The following CACNA2D1 variants were observed in gnomAD, a reference collection of about 807,000 sequenced individuals.
CACNA2D1 encodes the protein voltage-dependent calcium channel subunit alpha-2/delta-1.
CACNA2D1 carries 53 observed loss-of-function variants against 171.5 expected under a neutral mutation model. The ratio of observed to expected loss-of-function variants is 0.31; its 90% CI spans 0.25 to 0.39. The LOEUF (loss-of-function observed/expected upper bound fraction) is 0.39, where lower values mean the gene tolerates loss of function less well. CACNA2D1 is among the 10% of genes least tolerant of loss of function. The pLI, the probability that CACNA2D1 is intolerant of heterozygous loss-of-function variation, is 1.00. For synonymous variants in CACNA2D1, 442 were observed against 443.1 expected, an observed-to-expected ratio of 1.00 and a Z score of 0.03; for missense variants, 903 against 1,299.8, an observed-to-expected ratio of 0.69 and a Z score of 4.69.
At chr7:82,311,920 G>T (rs1814516425) in intron 3 of CACNA2D1, among the ~76,000 whole-genome samples, 1 of 152,082 alleles carries the variant, frequency 6.6e-6, no homozygotes, top group Admixed American at 6.6e-5. Flanking sequence ...AGTAAATTAT[G>T]TCACTTTCTG....
intron 1 of CACNA2D1, among the ~76,000 whole-genome samples, chr7:82,382,967 C>T (rs1823874787): frequency 6.6e-6 from 1 of 152,184 alleles, no homozygotes; most frequent in Admixed American, 6.5e-5. Flanking sequence ...GTTTGACATT[C>T]AGCCATTCAA....
intron 10 of CACNA2D1, among the ~76,000 whole-genome samples, chr7:82,043,986 G>C (rs984219428): frequency 6.6e-6 from 1 of 152,152 alleles, no homozygotes; most frequent in South Asian, 2.1e-4. Context: ...TATTCTACTT[G>C]AAACTTCAGT....
chr7:82,332,529 A>AGAAAGAAAGAAAGAAG, intron 3 of CACNA2D1, among the ~76,000 whole-genome samples: 1 of 52,952 alleles, frequency 1.9e-5, no homozygotes, highest in South Asian at 6.8e-4. Context: ...AAAGAAAGAA[A>AGAAAGAAAGAAAGAAG]GAAAGAAAGA....
intron 11 of CACNA2D1, among the ~76,000 whole-genome samples, chr7:82,036,431 GCTC>G (rs1157030698): frequency 6.6e-6 from 1 of 152,068 alleles, no homozygotes; most frequent in Non-Finnish European, 1.5e-5. Flanking sequence ...TCTAAAATAT[GCTC>G]CTTTTTCTGA....
At position 81,956,443 on chromosome 7, in the gene CACNA2D1, A is replaced by G. The variant is rs1793362834; in HGVS notation, c.3159+2832T>C. 2.0e-5 allele frequency among the ~76,000 whole-genome samples: 3 copies of G among 152,284 alleles called. No individual in the cohort carries two copies. The South Asian group carries it at 6.2e-4, about 32-fold the overall frequency. On this transcript the variant is annotated intron_variant, in intron 38 of 38. Transcript: ENST00000356860. The stretch of plus-strand genomic sequence containing the variant: ...GGAAAATAAGGACAATTATAGAAAT[A>G]TAATTTGATTACACTTTTCTTGTGT...
chr7:82,282,088 G>A (rs118129889), intron 3 of CACNA2D1, among the ~76,000 whole-genome samples: 2,574 of 152,240 alleles, frequency 0.017, 35 homozygotes, highest in Middle Eastern at 0.065. Flanking sequence ...CTTGAGGTCA[G>A]AAGTTCAAGA....
intron 1 of CACNA2D1, among the ~76,000 whole-genome samples, chr7:82,390,784 A>G (rs941035599): frequency 2.6e-5 from 4 of 152,178 alleles, no homozygotes; most frequent in African/African-American, 9.7e-5. Context: ...TCCAATATAG[A>G]AAACATGAAT....
chr7:82,319,955 A>C (rs1471511258), intron 3 of CACNA2D1, among the ~76,000 whole-genome samples: 1 of 152,126 alleles, frequency 6.6e-6, no homozygotes, highest in Non-Finnish European at 1.5e-5. Flanking sequence ...TGCCAACAGC[A>C]GGAGCACTCA....
At chr7:82,324,342 G>C (rs1446484798) in intron 3 of CACNA2D1, among the ~76,000 whole-genome samples, 1 of 135,142 alleles carries the variant, frequency 7.4e-6, no homozygotes, top group Non-Finnish European at 1.6e-5. Context: ...TGGGCAACAA[G>C]AGCCAAACTC....
At chr7:81,959,401 A>G (rs770048949) in intron 37 of CACNA2D1, 44 bp from the exon 38 acceptor site, 1 of 1,290,644 alleles carries the variant, frequency 7.7e-7, no homozygotes, top group South Asian at 1.2e-5. Flanking sequence ...TTTTTTTCAC[A>G]TGATTAAAAA....
intron 5 of CACNA2D1, among the ~76,000 whole-genome samples, chr7:82,119,483 A>C (rs1233868079): frequency 6.6e-6 from 1 of 152,202 alleles, no homozygotes; most frequent in Non-Finnish European, 1.5e-5. Context: ...GAAAGTCATA[A>C]TGATAATTCT....
chr7:82,394,801 C>A lies in CACNA2D1; in HGVS notation c.96-45152G>T, dbSNP rs796144887. Reference sequence around the variant, plus strand: ...GAACAGAAGAAACAGAGGTTCAAGGCAACTTCAAACTTTTATTAGTGAGAA... The same window carrying A: ...GAACAGAAGAAACAGAGGTTCAAGGAAACTTCAAACTTTTATTAGTGAGAA... On this transcript the variant is annotated intron_variant, in intron 1 of 38. Coordinates refer to ENST00000356860, the MANE Select transcript of CACNA2D1 (RefSeq NM_000722.4). Among the ~76,000 whole-genome samples, 19 of 152,202 alleles carry A rather than the reference C, an allele frequency of 1.2e-4. 1 individual carries two copies. Among genetic ancestry groups the A allele is most frequent in the African/African-American group, 4.6e-4 (19 of 41,542 alleles).
chr7:82,315,085 C>T (rs1333925089), intron 3 of CACNA2D1, among the ~76,000 whole-genome samples: 2 of 150,664 alleles, frequency 1.3e-5, no homozygotes, highest in African/African-American at 4.9e-5. Context: ...TGCAGTGAGC[C>T]GAGATTGTGC....
At chr7:82,107,358 A>G (rs77787735) in intron 6 of CACNA2D1, among the ~76,000 whole-genome samples, 12,015 of 152,126 alleles carry the variant, frequency 0.079, 563 homozygotes, top group South Asian at 0.14. Flanking sequence ...ACTAGCTACA[A>G]GGCCCGCCAT....
chr7:82,285,217 C>T (rs1031551745), intron 3 of CACNA2D1, among the ~76,000 whole-genome samples: 2 of 152,118 alleles, frequency 1.3e-5, no homozygotes, highest in African/African-American at 4.8e-5. Context: ...TGGCTTCATG[C>T]TGTGAGAGAC....
chr7:82,100,645 G>A (rs549583463), intron 6 of CACNA2D1, among the ~76,000 whole-genome samples: 3 of 152,202 alleles, frequency 2.0e-5, no homozygotes, highest in South Asian at 4.1e-4. Flanking sequence ...ACAGCTTGCT[G>A]GAAAGATTTC....
intron 6 of CACNA2D1, among the ~76,000 whole-genome samples, chr7:82,102,767 C>T (rs764723288): frequency 6.6e-6 from 1 of 152,096 alleles, no homozygotes; most frequent in Non-Finnish European, 1.5e-5. Flanking sequence ...TCACTTCCAC[C>T]TATAACCAAT....
At chr7:82,172,000 A>AT (rs1484672428) in intron 3 of CACNA2D1, among the ~76,000 whole-genome samples, 1 of 151,862 alleles carries the variant, frequency 6.6e-6, no homozygotes, top group African/African-American at 2.4e-5. Flanking sequence ...TAATCTATTC[A>AT]TTTTTCTAAG....
chr7:82,182,178 A>G (rs529075031), intron 3 of CACNA2D1, among the ~76,000 whole-genome samples: 1 of 152,118 alleles, frequency 6.6e-6, no homozygotes, highest in Non-Finnish European at 1.5e-5. Context: ...TGTAGGCTTC[A>G]GGATTTCATT....
Sources: gnomAD v4.1 joint callset for allele counts (sites outside exome capture counted in the v4.1 genomes callset) on GRCh38, gnomAD v4.1.1 for gene constraint, MANE v1.5 for transcripts, NCBI Gene and HGNC (gene_info 2026-07-23, HGNC 2026-07-21) for gene names.